PSTPIP1: variants seen among roughly 807,000 people sequenced by gnomAD.
PSTPIP1 encodes proline-serine-threonine phosphatase-interacting protein 1.
Under a neutral mutation model 69.6 loss-of-function variants are expected in PSTPIP1, and 66 were observed. The ratio of observed to expected loss-of-function variants is 0.95; its 90% CI spans 0.78 to 1.16. The LOEUF is 1.16. Ranked by LOEUF, PSTPIP1 falls within the 50% of genes most tolerant of loss-of-function variation. The pLI is 0.00. For synonymous variants in PSTPIP1, 266 were observed against 222.7 expected (o/e 1.19, Z -1.73); for missense variants, 603 against 557.4 (o/e 1.08, Z -0.82).
At position 77,021,935 on chromosome 15, in the gene PSTPIP1, C is replaced by T. The variant is rs191933101; in HGVS notation, c.213-3349C>T. ...GGTAAGGTGCTGGGGGTGCTGCATG[C>T]CCCCAGAAGCTGCACAGGGCAGGGG... On this transcript the variant is annotated intron_variant, in intron 3 of 14. Coordinates refer to ENST00000558012, the MANE Select transcript of PSTPIP1 (RefSeq NM_003978.5). Among the ~76,000 whole-genome samples, 631 of 152,320 alleles carry T rather than the reference C, an allele frequency of 4.1e-3. 3 individuals are homozygous for T. The highest frequency in any genetic ancestry group is 0.014 in the African/African-American group (598 of 41,568).
chr15:77,027,893 G>C lies in PSTPIP1; in HGVS notation c.396G>C (p.Ser132=), dbSNP rs1261416605. 1.3e-6 allele frequency: 2 copies of C among 1,567,160 alleles called. No individual in the cohort carries two copies. The highest frequency in any genetic ancestry group is 1.7e-6 in the Non-Finnish European group (2 of 1,156,680). The change falls in exon 6 of 15, where the codon TCG becomes TCC. Residue 132 remains serine, a synonymous_variant. Transcript: ENST00000558012. This position sits in a 1 kb window ranked among gnomAD's most constrained non-coding sequence, Gnocchi z 4.3. Reference sequence around the variant, plus strand: ...ACCGGGTCCAGAAGAGCAAGCTGTCGCTCTACAAGAAGGCCATGGAGGTGA... The same window carrying C: ...ACCGGGTCCAGAAGAGCAAGCTGTCCCTCTACAAGAAGGCCATGGAGGTGA... ...VMDRVQKSKL[S]LYKKAMESKK...
At chr15:77,033,262 T>C (rs972992769) in intron 12 of PSTPIP1, among the ~76,000 whole-genome samples, 4 of 152,196 alleles carry the variant, frequency 2.6e-5, no homozygotes, top group African/African-American at 9.7e-5. Context: ...CCTGGTGCCC[T>C]GTCAGGCTGC....
intron 12 of PSTPIP1, among the ~76,000 whole-genome samples, chr15:77,034,839 T>C (rs1295301793): frequency 6.6e-6 from 1 of 152,212 alleles, no homozygotes; most frequent in East Asian, 1.9e-4. Context: ...GCCTCTTCTG[T>C]TTTATTTTCC....
At chr15:77,022,495 T>C (rs2076181574) in intron 3 of PSTPIP1, among the ~76,000 whole-genome samples, 1 of 152,174 alleles carries the variant, frequency 6.6e-6, no homozygotes, top group Admixed American at 6.5e-5. Flanking sequence ...GTCTTCAACA[T>C]GCGATGGAGA....
intron 1 of PSTPIP1, 30 bp downstream of exon 1, chr15:76,995,639 A>G: frequency 6.2e-7 from 1 of 1,612,598 alleles, no homozygotes; most frequent in Non-Finnish European, 8.5e-7. Flanking sequence ...GGCACTGAAC[A>G]AGTGGAGGGG....
At chr15:77,024,743 TC>T (rs1469396507) in intron 3 of PSTPIP1, among the ~76,000 whole-genome samples, 1 of 124,514 alleles carries the variant, frequency 8.0e-6, no homozygotes, top group Non-Finnish European at 1.7e-5. Context: ...CCTCCCTCCC[TC>T]CCTCCCTCCC....
In PSTPIP1 at chr15:77,028,599, G is replaced by T; in HGVS notation, c.463G>T (p.Glu155Ter). Reference protein sequence around the residue: ...EQKCRDADDAEQAFERISANG... With the variant: ...EQKCRDADDA ...GAAGTGCCGGGACGCGGACGACGCG[G>T]AGCAGGCCTTCGAGCGCATTAGCGC... Residue 155 changes from glutamate (E) to a stop codon, truncating the protein, a stop_gained, in exon 7 of 15, where the codon GAG becomes TAG. Transcript: ENST00000558012. LOFTEE classifies it high-confidence loss of function. 6.2e-7 allele frequency: 1 copy of T among 1,602,770 alleles called. No individual in the cohort carries two copies. Among genetic ancestry groups the T allele is most frequent in the South Asian group, 1.1e-5 (1 of 89,198 alleles).
In PSTPIP1 at chr15:77,037,366, C is replaced by T. The variant is rs2076607077; in HGVS notation, c.*190C>T. 1 of 704,248 alleles carries T rather than the reference C, an allele frequency of 1.4e-6. No homozygotes were observed. Among genetic ancestry groups the T allele is most frequent in the Admixed American group, 3.1e-5 (1 of 31,868 alleles). 43.6% of individuals were successfully genotyped at this position (704,248 alleles called of 1,614,324 possible). A position where few individuals can be genotyped will look rare whatever the true frequency, so the allele number is the denominator to read the frequency against. On this transcript the variant is annotated 3_prime_UTR_variant, in exon 15 of 15. Coordinates refer to ENST00000558012, the MANE Select transcript of PSTPIP1 (RefSeq NM_003978.5). ...GCTGGGGTCCCGTTCTCTTTTTCTCCTGCTCCAGTGTCCGAGTGCTCAGTT... is the reference window on the plus strand; with the variant it reads ...GCTGGGGTCCCGTTCTCTTTTTCTCTTGCTCCAGTGTCCGAGTGCTCAGTT...
chr15:77,025,645 G>A (rs934176668), intron 5 of PSTPIP1, 41 bp downstream of exon 5: 7 of 1,494,726 alleles, frequency 4.7e-6, no homozygotes, highest in Non-Finnish European at 6.3e-6. Flanking sequence ...CTCCCCCATT[G>A]CCAGCCTCTC....
In PSTPIP1 at chr15:76,995,254, T is replaced by A. The variant is rs1389451172; in HGVS notation, c.-320T>A. The A allele has an allele frequency of 7.8e-7, 1 of 1,285,420 alleles. No individual in the cohort carries two copies. The highest frequency in any genetic ancestry group is 9.9e-7 in the Non-Finnish European group (1 of 1,005,248). 79.6% of individuals were successfully genotyped at this position (1,285,420 alleles called of 1,614,324 possible). ...TGGCATCCCTGCTCCCTGCCCTGGG[T>A]CCCAGACTGTGTCCTCCATCACCGC... is the stretch of plus-strand genomic sequence containing the variant. On this transcript the variant is annotated 5_prime_UTR_variant, in exon 1 of 15. Coordinates refer to ENST00000558012, the MANE Select transcript of PSTPIP1 (RefSeq NM_003978.5).
At chr15:76,996,584 G>A (rs1464601615) in intron 1 of PSTPIP1, among the ~76,000 whole-genome samples, 2 of 152,262 alleles carry the variant, frequency 1.3e-5, no homozygotes, top group Non-Finnish European at 2.9e-5. Flanking sequence ...CTGCAGCCAG[G>A]AGGATGAGAG....
At chr15:77,033,573 G>A (rs1383087244) in intron 12 of PSTPIP1, among the ~76,000 whole-genome samples, 2 of 152,148 alleles carry the variant, frequency 1.3e-5, no homozygotes, top group Non-Finnish European at 2.9e-5. Flanking sequence ...GAGGCCATGT[G>A]CCCTGTGAGC....
chr15:77,033,520 A>G (rs2076472570), intron 12 of PSTPIP1, among the ~76,000 whole-genome samples: 1 of 152,166 alleles, frequency 6.6e-6, no homozygotes, highest in Non-Finnish European at 1.5e-5. Context: ...CATTGGGAGC[A>G]CTATAGCCAG....
intron 1 of PSTPIP1, among the ~76,000 whole-genome samples, chr15:77,005,095 C>T (rs1026521211): frequency 6.6e-6 from 1 of 151,990 alleles, no homozygotes; most frequent in African/African-American, 2.4e-5. Context: ...AATTAATTAC[C>T]ATTGCTGGCC....
intron 1 of PSTPIP1, among the ~76,000 whole-genome samples, chr15:77,013,515 C>T (rs1339286176): frequency 6.6e-6 from 1 of 152,168 alleles, no homozygotes; most frequent in African/African-American, 2.4e-5. Flanking sequence ...CCCTTTCTCT[C>T]CCTGGCACCT....
chr15:77,025,241 G>T, intron 3 of PSTPIP1, 43 bp from the exon 4 acceptor site: 1 of 1,575,296 alleles, frequency 6.3e-7, no homozygotes, highest in South Asian at 1.1e-5. Context: ...GTAGGTTCCC[G>T]CTGTGCTCTC....
chr15:77,020,372 G>T (rs2076136407), intron 3 of PSTPIP1, among the ~76,000 whole-genome samples: 1 of 152,104 alleles, frequency 6.6e-6, no homozygotes, highest in Non-Finnish European at 1.5e-5. Context: ...ACTTGGAGAG[G>T]TGTTCTGGGC....
chr15:77,027,106 G>C lies in PSTPIP1; in HGVS notation c.355-746G>C, dbSNP rs2076297682. Among the ~76,000 whole-genome samples the C allele has an allele frequency of 1.3e-5, 2 of 152,242 alleles. No homozygotes were observed. The highest frequency in any genetic ancestry group is 2.1e-4 in the South Asian group (1 of 4,838). ...TGTCCTTGTCCAGCCCTGTGCACTTGGGTGTTTTGTGCTGTGTGTGTGTGA... is the reference window on the plus strand; with the variant it reads ...TGTCCTTGTCCAGCCCTGTGCACTTCGGTGTTTTGTGCTGTGTGTGTGTGA... On this transcript the variant is annotated intron_variant, in intron 5 of 14. Transcript: ENST00000558012. This position sits in a 1 kb window ranked among gnomAD's most constrained non-coding sequence, Gnocchi z 4.3.
intron 12 of PSTPIP1, among the ~76,000 whole-genome samples, chr15:77,035,280 C>CAGTGGA (rs2076530838): frequency 1.3e-5 from 2 of 152,152 alleles, no homozygotes; most frequent in South Asian, 4.1e-4. Context: ...CAGAGGGCGC[C>CAGTGGA]AGTGGAGGGC....
Sources: gnomAD v4.1 joint callset for allele counts (sites outside exome capture counted in the v4.1 genomes callset) on GRCh38, gnomAD v4.1.1 for gene constraint, Gnocchi (gnomAD v3.1) non-coding constraint, MANE v1.5 for transcripts, NCBI Gene and HGNC (gene_info 2026-07-23, HGNC 2026-07-21) for gene names.